LGALS2: variants seen among roughly 807,000 people sequenced by gnomAD.
LGALS2 encodes the protein galectin-2.
Under a neutral mutation model 10.1 loss-of-function variants are expected in LGALS2, and 7 were observed. That is an observed-to-expected ratio of 0.70 (90% CI 0.40 to 1.31). The LOEUF (loss-of-function observed/expected upper bound fraction) is 1.31. Ranked by LOEUF, LGALS2 falls within the 50% of genes most tolerant of loss-of-function variation. The pLI is 0.01. For synonymous variants in LGALS2, 86 were observed against 64.2 expected (o/e 1.34, Z -1.63); for missense variants, 167 against 163.6 (o/e 1.02, Z -0.11).
rs374517736 is a variant in LGALS2 at position 37,570,563 on chromosome 22, C to T, written c.249+13G>A. ...TGACATCACCCCAGTGCCCTTTCCC[C>T]CTTTGACCTCACCTTGACCTCTGAC... On this transcript the variant is annotated intron_variant, in intron 3 of 3. Transcript: ENST00000215886. 1 of 1,614,088 alleles carries T rather than the reference C, an allele frequency of 6.2e-7. No individual in the cohort carries two copies. Among genetic ancestry groups the T allele is most frequent in the Non-Finnish European group, 8.5e-7 (1 of 1,180,032 alleles).
chr22:37,570,604 A>G lies in LGALS2; in HGVS notation c.221T>C (p.Leu74Pro). 1 of 1,614,244 alleles carries G rather than the reference A, an allele frequency of 6.2e-7. No homozygotes were observed. The highest frequency in any genetic ancestry group is 8.5e-7 in the Non-Finnish European group (1 of 1,180,046). The part of the protein sequence containing the change: ...NWGQEQREDH[L>P]CFSPGSEVKF... ...GACCTCTGACCCTGGGCTGAAGCAC[A>G]GGTGATCTTCCCGTTGTTCTTGCCC... Residue 74 changes from leucine (L) to proline (P), a missense_variant, in exon 3 of 4, where the codon CTG becomes CCG. Physicochemically the swap from Leu to Pro is moderately conservative, Grantham distance 98 (BLOSUM62 -3). Transcript: ENST00000215886.
At chr22:37,579,055 C>T (rs1601462964) in intron 1 of LGALS2, 1 of 150,282 alleles carries the variant, frequency 6.7e-6, no homozygotes, top group Non-Finnish European at 1.5e-5. Context: ...CCATTGCACT[C>T]CAGCCTGGGC....
In LGALS2 at chr22:37,570,565, T is replaced by A; in HGVS notation, c.249+11A>T. The A allele has an allele frequency of 6.2e-7, 1 of 1,614,190 alleles. No homozygotes were observed. Among genetic ancestry groups the A allele is most frequent in the Non-Finnish European group, 8.5e-7 (1 of 1,180,008 alleles). ...ACATCACCCCAGTGCCCTTTCCCCC[T>A]TTGACCTCACCTTGACCTCTGACCC... is the stretch of plus-strand genomic sequence containing the variant. On this transcript the variant is annotated intron_variant, in intron 3 of 3. Transcript: ENST00000215886.
intron 1 of LGALS2, among the ~76,000 whole-genome samples, chr22:37,574,375 G>T (rs913958024): frequency 1.3e-5 from 2 of 152,036 alleles, no homozygotes; most frequent in African/African-American, 4.8e-5. Context: ...AATTAGCCGG[G>T]TGTGGTGGCA....
rs553715984 is a variant in LGALS2 at position 37,577,321 on chromosome 22, T to C, written c.6+2579A>G. Reference sequence around the variant, plus strand: ...GCACTTGAATAGCGTCCCCCGAAAATTCATGTCCACCTGGAACCTGTCAAT... The same window carrying C: ...GCACTTGAATAGCGTCCCCCGAAAACTCATGTCCACCTGGAACCTGTCAAT... On this transcript the variant is annotated intron_variant, in intron 1 of 3. Transcript: ENST00000215886. Among the ~76,000 whole-genome samples, 17 of 151,192 alleles carry C rather than the reference T, an allele frequency of 1.1e-4. No homozygotes were observed. In the South Asian group the frequency reaches 1.7e-3, roughly 15 times the overall value.
At position 37,570,344 on chromosome 22, in the gene LGALS2, G is replaced by T. The variant is rs746044147; in HGVS notation, c.318C>A (p.Pro106=). 1.2e-6 allele frequency: 2 copies of T among 1,614,114 alleles called. No individual in the cohort carries two copies. Among genetic ancestry groups the T allele is most frequent in the East Asian group, 4.5e-5 (2 of 44,884 alleles). The change falls in exon 4 of 4, where the codon CCC becomes CCA. Residue 106 remains proline, a synonymous_variant. Coordinates refer to ENST00000215886, the MANE Select transcript of LGALS2 (RefSeq NM_006498.3). ...TCAGGTGGCTGTGACCCAGCCTGTTGGGAAAAGTCAGCTCGTGCCCATCTG... is the reference window on the plus strand; with the variant it reads ...TCAGGTGGCTGTGACCCAGCCTGTTTGGAAAAGTCAGCTCGTGCCCATCTG... ...KLPDGHELTF[P]NRLGHSHLSY... is the part of the protein sequence containing the mutation.
chr22:37,574,647 C>A (rs868560788), intron 1 of LGALS2, among the ~76,000 whole-genome samples: 11 of 152,128 alleles, frequency 7.2e-5, no homozygotes, highest in African/African-American at 2.4e-4. Flanking sequence ...GGGAGTTCTG[C>A]TCACTGACTT....
chr22:37,579,613 T>C (rs912616369), intron 1 of LGALS2, among the ~76,000 whole-genome samples: 19 of 152,110 alleles, frequency 1.2e-4, no homozygotes, highest in African/African-American at 4.6e-4. Flanking sequence ...TGTATTTTTT[T>C]AGTAGAGACG....
At chr22:37,576,574 T>A (rs923549058) in intron 1 of LGALS2, among the ~76,000 whole-genome samples, 2 of 151,586 alleles carry the variant, frequency 1.3e-5, no homozygotes, top group Non-Finnish European at 2.9e-5. Flanking sequence ...AAGACAGGTG[T>A]GCCCGCCACA....
At position 37,570,712 on chromosome 22, in the gene LGALS2, C is replaced by T. The variant is rs1925471281; in HGVS notation, c.113G>A (p.Gly38Glu). Reference sequence around the variant, plus strand: ...GAAATGCAGGTTCAGCTTGTCTGTCCCCTGGCCCAGATTAATTACAAAGCT... The same window carrying T: ...GAAATGCAGGTTCAGCTTGTCTGTCTCCTGGCCCAGATTAATTACAAAGCT... ...TDGFVINLGQ[G>E]TDKLNLHFNP... The change falls in exon 3 of 4, where the codon GGG becomes GAG. Residue 38 changes from glycine (G) to glutamate (E), a missense_variant. Physicochemically the swap from Gly to Glu is moderately conservative, Grantham distance 98 (BLOSUM62 -2). Coordinates refer to ENST00000215886, the MANE Select transcript of LGALS2 (RefSeq NM_006498.3). 3 of 1,614,092 alleles carry T rather than the reference C, an allele frequency of 1.9e-6. No homozygotes were observed. The highest frequency in any genetic ancestry group is 2.5e-6 in the Non-Finnish European group (3 of 1,180,048).
chr22:37,572,818 T>TAAAA (rs1925544681), intron 1 of LGALS2, among the ~76,000 whole-genome samples: 1 of 117,030 alleles, frequency 8.5e-6, no homozygotes, highest in African/African-American at 6.0e-5. Context: ...TAAAATAAAA[T>TAAAA]AAATTATCTG....
rs1601458158 is a variant in LGALS2 at position 37,570,368 on chromosome 22, T to C, written c.294A>G (p.Pro98=). Residue 98 remains proline, a synonymous_variant, in exon 4 of 4, where the codon CCA becomes CCG. Coordinates refer to ENST00000215886, the MANE Select transcript of LGALS2 (RefSeq NM_006498.3). ...TGGGAAAAGTCAGCTCGTGCCCATC[T>C]GGCAGCTTCACCTTGAATTTGTCAC... is the stretch of plus-strand genomic sequence containing the variant. ...FESDKFKVKL[P]DGHELTFPNR... The C allele has an allele frequency of 6.2e-7, 1 of 1,614,052 alleles. No homozygotes were observed. The highest frequency in any genetic ancestry group is 8.5e-7 in the Non-Finnish European group (1 of 1,179,990).
intron 1 of LGALS2, chr22:37,578,807 G>A (rs1444294508): frequency 6.6e-6 from 1 of 152,134 alleles, no homozygotes; most frequent in African/African-American, 2.4e-5. Flanking sequence ...CAAAAATTAG[G>A]CCAGGAGCAG....
At chr22:37,577,135 C>G (rs1925709350) in intron 1 of LGALS2, among the ~76,000 whole-genome samples, 1 of 151,988 alleles carries the variant, frequency 6.6e-6, no homozygotes, top group African/African-American at 2.4e-5. Flanking sequence ...GCCTCTGGAG[C>G]TGGAGAGAGA....
At position 37,580,051 on chromosome 22, in the gene LGALS2, C is replaced by A; in HGVS notation, c.-146G>T. The A allele has an allele frequency of 1.5e-6, 1 of 670,264 alleles. No individual in the cohort carries two copies. Among genetic ancestry groups the A allele is most frequent in the South Asian group, 2.2e-5 (1 of 45,180 alleles). 41.5% of individuals were successfully genotyped at this position (670,264 alleles called of 1,614,324 possible). On this transcript the variant is annotated 5_prime_UTR_variant, in exon 1 of 4. Coordinates refer to ENST00000215886, the MANE Select transcript of LGALS2 (RefSeq NM_006498.3). ...GGACTTTGCCCCTTCTACCTTGTGT[C>A]TCCCCGCCTGCATCTCCCAGTACCC...
In LGALS2 at chr22:37,572,691, C is replaced by G. The variant is rs371143616; in HGVS notation, c.7-760G>C. ...CTGAGGCAGGAGAATGGTGTGAACCCGGGAGGCGGAGCTTGCAGTGAGGTG... is the reference window on the plus strand; with the variant it reads ...CTGAGGCAGGAGAATGGTGTGAACCGGGGAGGCGGAGCTTGCAGTGAGGTG... On this transcript the variant is annotated intron_variant, in intron 1 of 3. Coordinates refer to ENST00000215886, the MANE Select transcript of LGALS2 (RefSeq NM_006498.3). 3.3e-5 allele frequency among the ~76,000 whole-genome samples: 5 copies of G among 150,910 alleles called. No homozygotes were observed. The East Asian group carries it at 9.8e-4, about 29-fold the overall frequency.
At chr22:37,575,999 C>T (rs1056653168) in intron 1 of LGALS2, among the ~76,000 whole-genome samples, 1 of 152,162 alleles carries the variant, frequency 6.6e-6, no homozygotes, top group African/African-American at 2.4e-5. Context: ...GCGGTGACAA[C>T]CAAGAATGTC....
At chr22:37,572,232 G>A (rs764270602) in intron 1 of LGALS2, among the ~76,000 whole-genome samples, 15 of 152,202 alleles carry the variant, frequency 9.9e-5, no homozygotes, top group African/African-American at 1.9e-4. Flanking sequence ...GCCCAGTTCC[G>A]CAAAGTGTTC....
chr22:37,574,446 G>A (rs1291965519), intron 1 of LGALS2, among the ~76,000 whole-genome samples: 2 of 150,876 alleles, frequency 1.3e-5, no homozygotes, highest in Non-Finnish European at 2.9e-5. Context: ...AACCCAGGAG[G>A]TGGAGGTTGC....
Sources: allele counts gnomAD v4.1 joint callset (sites outside exome capture counted in the v4.1 genomes callset), GRCh38; gene constraint gnomAD v4.1.1; transcripts MANE v1.5; gene names NCBI Gene and HGNC (gene_info 2026-07-23, HGNC 2026-07-21).